FSTL5: variants seen among roughly 807,000 people sequenced by gnomAD.
FSTL5 encodes the protein follistatin like 5, also known as follistatin-related protein 5.
Under a neutral mutation model 89.1 loss-of-function variants are expected in FSTL5, and 62 were observed. That is an observed-to-expected ratio of 0.70 (90% CI 0.57 to 0.86). The LOEUF (loss-of-function observed/expected upper bound fraction) is 0.86. Ranked by LOEUF, FSTL5 falls within the 40% of genes least tolerant of loss-of-function variation. The probability of loss-of-function intolerance (pLI) is 0.00; values close to 1 mark genes in which losing one functional copy is unlikely to be tolerated. For missense variants in FSTL5, 1,057 were observed against 1,001.6 expected, an observed-to-expected ratio of 1.06 and a Z score of -0.75; for synonymous variants, 383 against 346.2, an observed-to-expected ratio of 1.11 and a Z score of -1.18.
At chr4:161,721,185 G>A (rs1356973714) in intron 6 of FSTL5, among the ~76,000 whole-genome samples, 2 of 150,294 alleles carry the variant, frequency 1.3e-5, no homozygotes, top group Non-Finnish European at 3.0e-5. Flanking sequence ...GGCTGAGGCA[G>A]GAGAATGGCG....
chr4:161,860,124 T>G (rs1360387668), intron 4 of FSTL5, among the ~76,000 whole-genome samples: 3 of 151,908 alleles, frequency 2.0e-5, no homozygotes, highest in East Asian at 3.9e-4. Context: ...CCGTCTCTAC[T>G]AAAAATACAA....
intron 6 of FSTL5, among the ~76,000 whole-genome samples, chr4:161,746,953 C>A (rs937836357): frequency 5.3e-5 from 8 of 152,254 alleles, no homozygotes; most frequent in Admixed American, 5.2e-4. Flanking sequence ...TGGATATTGT[C>A]CCCAAGGACT....
chr4:162,001,752 C>T (rs949306124), intron 3 of FSTL5, among the ~76,000 whole-genome samples: 3 of 152,070 alleles, frequency 2.0e-5, no homozygotes, highest in Non-Finnish European at 4.4e-5. Flanking sequence ...TTTGTTTATG[C>T]CAAAGCCAGT....
chr4:161,941,365 A>G (rs900183905), intron 3 of FSTL5, among the ~76,000 whole-genome samples: 4 of 151,886 alleles, frequency 2.6e-5, no homozygotes, highest in Non-Finnish European at 5.9e-5. Context: ...CAGAATGGAT[A>G]AAAATGGTGA....
At chr4:161,974,885 T>C (rs1164338157) in intron 3 of FSTL5, among the ~76,000 whole-genome samples, 1 of 151,908 alleles carries the variant, frequency 6.6e-6, no homozygotes. Context: ...AAATCTACAA[T>C]GAAATCAAAC....
At chr4:161,945,828 G>A (rs1490769829) in intron 3 of FSTL5, among the ~76,000 whole-genome samples, 1 of 151,986 alleles carries the variant, frequency 6.6e-6, no homozygotes, top group Non-Finnish European at 1.5e-5. Context: ...ATGTACTCAG[G>A]TGATACACAC....
chr4:161,397,538 A>G (rs1731046411), intron 15 of FSTL5, among the ~76,000 whole-genome samples: 1 of 151,482 alleles, frequency 6.6e-6, no homozygotes, highest in Admixed American at 6.6e-5. Flanking sequence ...TTTTTAACAT[A>G]AAATGATATC....
chr4:161,559,021 C>T (rs570702370), intron 8 of FSTL5, among the ~76,000 whole-genome samples: 11 of 151,934 alleles, frequency 7.2e-5, no homozygotes, highest in Non-Finnish European at 1.3e-4. Flanking sequence ...CTTCATTCTT[C>T]ATACTGCCGA....
intron 12 of FSTL5, among the ~76,000 whole-genome samples, chr4:161,493,172 A>G (rs1729942403): frequency 6.6e-6 from 1 of 151,982 alleles, no homozygotes; most frequent in Non-Finnish European, 1.5e-5. Flanking sequence ...AAAGATAAAG[A>G]TTTAATCATT....
At chr4:161,573,377 CT>C (rs1291100475) in intron 8 of FSTL5, among the ~76,000 whole-genome samples, 1 of 145,440 alleles carries the variant, frequency 6.9e-6, no homozygotes, top group African/African-American at 2.5e-5. Context: ...ACAACTGTCC[CT>C]GATTCCAGCC....
At chr4:162,047,109 C>A (rs1204088921) in intron 2 of FSTL5, among the ~76,000 whole-genome samples, 1 of 152,024 alleles carries the variant, frequency 6.6e-6, no homozygotes, top group Non-Finnish European at 1.5e-5. Context: ...CAAACTAACA[C>A]AAGACACTCT....
intron 6 of FSTL5, among the ~76,000 whole-genome samples, chr4:161,661,024 G>A (rs1267973179): frequency 2.6e-5 from 4 of 152,082 alleles, no homozygotes; most frequent in Admixed American, 2.6e-4. Flanking sequence ...CTGGGTCAAT[G>A]GGAGTGTAAA....
intron 10 of FSTL5, among the ~76,000 whole-genome samples, chr4:161,527,795 G>C (rs1277303746): frequency 6.6e-6 from 1 of 151,394 alleles, no homozygotes; most frequent in Non-Finnish European, 1.5e-5. Context: ...CCATTACTGG[G>C]TATATACCCA....
At chr4:161,648,436 G>A (rs1446242612) in intron 7 of FSTL5, among the ~76,000 whole-genome samples, 2 of 152,104 alleles carry the variant, frequency 1.3e-5, no homozygotes, top group Non-Finnish European at 2.9e-5. Context: ...AAGTGGACAA[G>A]GGAACTTTTC....
At chr4:161,486,007 G>A (rs543955334) in intron 12 of FSTL5, among the ~76,000 whole-genome samples, 3 of 151,998 alleles carry the variant, frequency 2.0e-5, no homozygotes, top group East Asian at 1.9e-4. Context: ...AGCCAGGCAC[G>A]GTGGTGCACG....
intron 4 of FSTL5, among the ~76,000 whole-genome samples, chr4:161,864,967 A>T (rs1435804800): frequency 1.3e-5 from 2 of 152,084 alleles, no homozygotes; most frequent in Non-Finnish European, 2.9e-5. Flanking sequence ...CTTGGAATAG[A>T]TACCTAGCTA....
chr4:161,967,150 T>A (rs974126866), intron 3 of FSTL5, among the ~76,000 whole-genome samples: 35 of 151,846 alleles, frequency 2.3e-4, no homozygotes, highest in African/African-American at 8.5e-4. Flanking sequence ...TTGATAAAAA[T>A]TTTAATTTTA....
chr4:161,877,691 T>C (rs916986498), intron 4 of FSTL5, among the ~76,000 whole-genome samples: 1 of 151,856 alleles, frequency 6.6e-6, no homozygotes, highest in African/African-American at 2.4e-5. Flanking sequence ...CCAGGCGTTG[T>C]GGCGGGCCCC....
chr4:161,788,470 A>G (rs772359669), intron 4 of FSTL5, among the ~76,000 whole-genome samples: 2 of 152,178 alleles, frequency 1.3e-5, no homozygotes, highest in Non-Finnish European at 2.9e-5. Flanking sequence ...TACTTCTATC[A>G]GCTCAACTTT....
Sources: gnomAD v4.1 joint callset for allele counts (sites outside exome capture counted in the v4.1 genomes callset) on GRCh38, gnomAD v4.1.1 for gene constraint, MANE v1.5 for transcripts, NCBI Gene and HGNC (gene_info 2026-07-23, HGNC 2026-07-21) for gene names.